ADCY1: variants seen among roughly 807,000 people sequenced by gnomAD.
The protein encoded by ADCY1 is adenylate cyclase 1, also known as adenylate cyclase type 1.
In ADCY1, 28 loss-of-function variants were observed where a neutral mutation model predicts 105.4. The observed-to-expected ratio is 0.27, with a 90% CI of 0.20 to 0.36. ADCY1 has a LOEUF of 0.36. Ranked by LOEUF, ADCY1 falls within the 10% of genes least tolerant of loss-of-function variation. The pLI, the probability that ADCY1 is intolerant of heterozygous loss-of-function variation, is 1.00. For synonymous variants in ADCY1, 655 were observed against 623.8 expected (o/e 1.05, Z -0.75); for missense variants, 977 against 1,434.2 (o/e 0.68, Z 5.15).
At chr7:45,657,916 G>GGCGGC in intron 6 of ADCY1, 31 bp downstream of exon 6, 1 of 502,918 alleles carries the variant, frequency 2.0e-6, no homozygotes, top group Non-Finnish European at 4.0e-6. Flanking sequence ...GGAGGGGAGG[G>GGCGGC]AGGTGGGTGA....
intron 11 of ADCY1, among the ~76,000 whole-genome samples, 192 bp downstream of exon 11, chr7:45,679,985 G>A (rs1430919882): frequency 6.6e-6 from 1 of 152,150 alleles, no homozygotes; most frequent in African/African-American, 2.4e-5. Flanking sequence ...CAGGTATGAG[G>A]GTGGCCTCTG....
intron 2 of ADCY1, among the ~76,000 whole-genome samples, chr7:45,594,167 G>A (rs1359678998): frequency 1.3e-5 from 2 of 152,142 alleles, no homozygotes; most frequent in African/African-American, 4.8e-5. Flanking sequence ...ATGCCTGTAT[G>A]TCTGTGTGTG....
In ADCY1 at chr7:45,605,436, G is replaced by A. The variant is rs991271537; in HGVS notation, c.790-4943G>A. On this transcript the variant is annotated intron_variant, in intron 2 of 19. Coordinates refer to ENST00000297323, the MANE Select transcript of ADCY1 (RefSeq NM_021116.4). ...TGAAAGCATTCAATGTTTGTTAGGT[G>A]TAGGCTTTTTCTGAATATTCCTTAT... Among the ~76,000 whole-genome samples, 3 of 152,078 alleles carry A rather than the reference G, an allele frequency of 2.0e-5. No homozygotes were observed. In the East Asian group the frequency reaches 5.8e-4, roughly 29 times the overall value.
At chr7:45,617,291 C>T (rs936066109) in intron 3 of ADCY1, among the ~76,000 whole-genome samples, 4 of 152,148 alleles carry the variant, frequency 2.6e-5, no homozygotes, top group African/African-American at 9.7e-5. Context: ...GAAGCAGGCA[C>T]CACTCCTGGG....
intron 5 of ADCY1, among the ~76,000 whole-genome samples, chr7:45,653,374 C>T (rs1022263594): frequency 2.6e-5 from 4 of 152,196 alleles, no homozygotes; most frequent in African/African-American, 7.2e-5. Flanking sequence ...AGACCAGGCC[C>T]TGTGTCCTGA....
At chr7:45,649,289 G>A (rs569257469) in intron 5 of ADCY1, among the ~76,000 whole-genome samples, 2 of 152,302 alleles carry the variant, frequency 1.3e-5, no homozygotes, top group East Asian at 1.9e-4. Flanking sequence ...CACCTGTGAG[G>A]CCAGGCCTGC....
chr7:45,659,324 C>T (rs984776684), intron 6 of ADCY1, among the ~76,000 whole-genome samples: 1 of 152,236 alleles, frequency 6.6e-6, no homozygotes, highest in African/African-American at 2.4e-5. Context: ...GCGAGGAGTT[C>T]AGAAGGTTGT....
intron 2 of ADCY1, among the ~76,000 whole-genome samples, chr7:45,601,592 A>G (rs986035115): frequency 1.3e-5 from 2 of 152,002 alleles, no homozygotes; most frequent in African/African-American, 4.8e-5. Context: ...TTGTGGAGCA[A>G]TGGCTGGTAG....
At position 45,679,075 on chromosome 7, in the gene ADCY1, AT is replaced by A. The variant is rs201726252; in HGVS notation, c.1899-626del. ...AGTTTGGCAGCTTTTATTTTATTTT[AT>A]TTTTTTTGCAAGAAAGACACCACTG... On this transcript the variant is annotated intron_variant, in intron 10 of 19. Coordinates refer to ENST00000297323, the MANE Select transcript of ADCY1 (RefSeq NM_021116.4). Among the ~76,000 whole-genome samples the A allele has an allele frequency of 7.1e-4, 108 of 151,896 alleles. 1 individual carries two copies. The highest frequency in any genetic ancestry group is 2.3e-3 in the African/African-American group (96 of 41,430).
intron 7 of ADCY1, 94 bp downstream of exon 7, chr7:45,660,277 C>G: frequency 1.3e-6 from 2 of 1,511,212 alleles, no homozygotes; most frequent in Non-Finnish European, 1.8e-6. Context: ...CCTCTCCAAG[C>G]ACTGCTTCTC....
rs1393728776 is a variant in ADCY1, at chr7:45,574,423, C to G, written c.-121C>G. ...CGGCGCCCCAACTCCGCCCGCCCCG[C>G]GCCCCGCGCCCCGGCGCCTCGCCGC... is the stretch of plus-strand genomic sequence containing the variant. On this transcript the variant is annotated 5_prime_UTR_variant, in exon 1 of 20. Coordinates refer to ENST00000297323, the MANE Select transcript of ADCY1 (RefSeq NM_021116.4). This position sits in a 1 kb window ranked among gnomAD's most constrained non-coding sequence, Gnocchi z 7.0. The G allele has an allele frequency of 2.1e-5, 3 of 146,108 alleles. No individual in the cohort carries two copies. Among genetic ancestry groups the G allele is most frequent in the Admixed American group, 6.8e-5 (1 of 14,602 alleles). The allele number at this position is 146,108 out of a possible 1,614,324, so 9.1% of individuals were successfully genotyped here. A position where few individuals can be genotyped will look rare whatever the true frequency, so the allele number is the denominator to read the frequency against.
chr7:45,621,553 T>C (rs1183232353), intron 3 of ADCY1, among the ~76,000 whole-genome samples: 1 of 152,252 alleles, frequency 6.6e-6, no homozygotes, highest in Non-Finnish European at 1.5e-5. Flanking sequence ...TCTAGTCTTA[T>C]TCCCATTTTA....
intron 3 of ADCY1, among the ~76,000 whole-genome samples, chr7:45,620,563 A>G (rs1424072000): frequency 6.6e-6 from 1 of 152,244 alleles, no homozygotes; most frequent in African/African-American, 2.4e-5. Context: ...GGAAAACGTT[A>G]ACCTACACAT....
chr7:45,610,157 G>A (rs1445850528), intron 2 of ADCY1, among the ~76,000 whole-genome samples: 2 of 152,216 alleles, frequency 1.3e-5, no homozygotes, highest in Admixed American at 6.5e-5. Context: ...GTGTGTCCAG[G>A]GAGTAGCATG....
chr7:45,683,991 A>T (rs1237976156), intron 11 of ADCY1, among the ~76,000 whole-genome samples: 1 of 152,216 alleles, frequency 6.6e-6, no homozygotes, highest in Non-Finnish European at 1.5e-5. Context: ...GGGAGGCTGC[A>T]GTGGGGATCA....
chr7:45,618,042 A>G (rs1377648807), intron 3 of ADCY1, among the ~76,000 whole-genome samples: 1 of 152,248 alleles, frequency 6.6e-6, no homozygotes, highest in Admixed American at 6.5e-5. Flanking sequence ...ATATAGACCA[A>G]TAGAACAGAA....
intron 2 of ADCY1, among the ~76,000 whole-genome samples, chr7:45,603,824 G>A (rs896965941): frequency 1.3e-5 from 2 of 152,036 alleles, no homozygotes; most frequent in African/African-American, 4.8e-5. Flanking sequence ...TTTGGGATTG[G>A]CTTTTTTTTC....
At chr7:45,682,500 C>T (rs1229395954) in intron 11 of ADCY1, among the ~76,000 whole-genome samples, 3 of 152,188 alleles carry the variant, frequency 2.0e-5, no homozygotes, top group South Asian at 2.1e-4. Context: ...GAGGTCAAGG[C>T]GTCAGGCACA....
chr7:45,705,302 A>G (rs1334912072), intron 17 of ADCY1, among the ~76,000 whole-genome samples: 1 of 152,252 alleles, frequency 6.6e-6, no homozygotes, highest in Non-Finnish European at 1.5e-5. Context: ...TTTCTCATTA[A>G]TATAGATGTA....
Sources: allele counts gnomAD v4.1 joint callset (sites outside exome capture counted in the v4.1 genomes callset), GRCh38; gene constraint gnomAD v4.1.1; non-coding constraint Gnocchi (gnomAD v3.1); transcripts MANE v1.5; gene names NCBI Gene and HGNC (gene_info 2026-07-23, HGNC 2026-07-21).